ADCY2: variants seen among roughly 807,000 people sequenced by gnomAD.
The protein encoded by ADCY2 is adenylate cyclase 2.
ADCY2 carries 31 observed loss-of-function variants against 125.2 expected under a neutral mutation model. The ratio of observed to expected loss-of-function variants is 0.25; its 90% CI spans 0.19 to 0.33. ADCY2 has a LOEUF of 0.33. ADCY2 is among the 10% of genes least tolerant of loss of function. The pLI is 1.00. For missense variants in ADCY2, 904 were observed against 1,418.2 expected, an observed-to-expected ratio of 0.64 and a Z score of 5.82; for synonymous variants, 512 against 548.4, an observed-to-expected ratio of 0.93 and a Z score of 0.93.
At chr5:7,493,412 AG>A (rs113111865) in intron 2 of ADCY2, among the ~76,000 whole-genome samples, 23,490 of 152,052 alleles carry the variant, frequency 0.15, 2,318 homozygotes, top group Non-Finnish European at 0.22. Flanking sequence ...GAGAGAGGAG[AG>A]GGGGTATCGG....
chr5:7,443,595 A>G (rs550687993), intron 2 of ADCY2, among the ~76,000 whole-genome samples: 72 of 138,582 alleles, frequency 5.2e-4, no homozygotes, highest in Admixed American at 1.5e-3. Context: ...AGCCGAGATC[A>G]CGCCACTGCA....
At chr5:7,537,713 A>G (rs777664239) in intron 3 of ADCY2, among the ~76,000 whole-genome samples, 3 of 152,182 alleles carry the variant, frequency 2.0e-5, no homozygotes, top group Non-Finnish European at 4.4e-5. Flanking sequence ...ATAGCTTTCT[A>G]GTACCTGCAG....
At chr5:7,443,449 A>G (rs1000888453) in intron 2 of ADCY2, among the ~76,000 whole-genome samples, 5 of 151,540 alleles carry the variant, frequency 3.3e-5, no homozygotes, top group Non-Finnish European at 5.9e-5. Context: ...TCAGGAGATC[A>G]AGACCATGGT....
chr5:7,645,684 A>G (rs973299340), intron 4 of ADCY2, among the ~76,000 whole-genome samples: 1 of 152,162 alleles, frequency 6.6e-6, no homozygotes, highest in African/African-American at 2.4e-5. Flanking sequence ...TTGAAAAAAA[A>G]TGAGGAAATG....
At chr5:7,496,566 A>G (rs1406056493) in intron 2 of ADCY2, among the ~76,000 whole-genome samples, 1 of 152,206 alleles carries the variant, frequency 6.6e-6, no homozygotes, top group Non-Finnish European at 1.5e-5. Context: ...AATTGAGAAT[A>G]TTAATACCAT....
chr5:7,464,638 G>A (rs1742037526), intron 2 of ADCY2, among the ~76,000 whole-genome samples: 2 of 152,082 alleles, frequency 1.3e-5, no homozygotes, highest in South Asian at 4.1e-4. Flanking sequence ...TGGGGTGCAG[G>A]GCTCTCTGTT....
chr5:7,743,330 T>C (rs1742497705), intron 14 of ADCY2, among the ~76,000 whole-genome samples: 1 of 151,728 alleles, frequency 6.6e-6, no homozygotes, highest in Admixed American at 6.6e-5. Flanking sequence ...TCACTGGCAG[T>C]GAAGAGGCCA....
intron 1 of ADCY2, among the ~76,000 whole-genome samples, chr5:7,403,046 A>G (rs1739326369): frequency 6.6e-6 from 1 of 152,180 alleles, no homozygotes; most frequent in South Asian, 2.1e-4. Context: ...TATTGCAGCT[A>G]GGACAAGCCA....
At chr5:7,575,305 G>A (rs988760370) in intron 3 of ADCY2, among the ~76,000 whole-genome samples, 3 of 151,792 alleles carry the variant, frequency 2.0e-5, no homozygotes, top group Non-Finnish European at 4.4e-5. Flanking sequence ...CTTTTGGATT[G>A]TCTGTTTCCC....
intron 3 of ADCY2, among the ~76,000 whole-genome samples, chr5:7,608,681 C>A (rs1357349353): frequency 3.3e-5 from 5 of 152,178 alleles, no homozygotes; most frequent in African/African-American, 1.2e-4. Context: ...TCCTACCTGG[C>A]CCCTCATGAA....
chr5:7,589,818 T>G (rs1736790211), intron 3 of ADCY2, among the ~76,000 whole-genome samples: 1 of 152,162 alleles, frequency 6.6e-6, no homozygotes, highest in Non-Finnish European at 1.5e-5. Context: ...TCATTATTTG[T>G]GCATCCAGAG....
At chr5:7,442,265 T>C (rs923559090) in intron 2 of ADCY2, among the ~76,000 whole-genome samples, 7 of 152,166 alleles carry the variant, frequency 4.6e-5, no homozygotes, top group African/African-American at 1.4e-4. Context: ...CCTATCCAAC[T>C]TGAATCCTCT....
intron 2 of ADCY2, among the ~76,000 whole-genome samples, chr5:7,475,217 AG>A (rs1456584140): frequency 1.3e-5 from 2 of 152,318 alleles, no homozygotes; most frequent in African/African-American, 4.8e-5. Context: ...GGAAGTGCGA[AG>A]AAGATCAGAG....
At chr5:7,666,238 T>C (rs2126699028) in intron 4 of ADCY2, among the ~76,000 whole-genome samples, 1 of 152,116 alleles carries the variant, frequency 6.6e-6, no homozygotes, top group Non-Finnish European at 1.5e-5. Flanking sequence ...AAAGAGGCCA[T>C]TTCCTAGGCT....
intron 19 of ADCY2, among the ~76,000 whole-genome samples, chr5:7,789,263 A>G (rs545468772): frequency 6.6e-6 from 1 of 152,264 alleles, no homozygotes; most frequent in South Asian, 2.1e-4. Flanking sequence ...CAAATCATCA[A>G]AAAATGCACT....
At position 7,566,215 on chromosome 5, in the gene ADCY2, G is replaced by A. The variant is rs150122331; in HGVS notation, c.570+45316G>A. On this transcript the variant is annotated intron_variant, in intron 3 of 24. Transcript: ENST00000338316. ...TTGAGAAAGGGACACTGCGCTGGGC[G>A]CAGTGGCTTAAGCCTGTAATCCCAA... is the stretch of plus-strand genomic sequence containing the variant. 9.2e-5 allele frequency among the ~76,000 whole-genome samples: 14 copies of A among 152,294 alleles called. No homozygotes were observed. In the East Asian group the frequency reaches 1.9e-3, roughly 21 times the overall value.
chr5:7,442,567 CAG>C (rs551235566), intron 2 of ADCY2, among the ~76,000 whole-genome samples: 188 of 152,238 alleles, frequency 1.2e-3, no homozygotes, highest in Non-Finnish European at 2.2e-3. Context: ...TCAGTGGACT[CAG>C]AGGGTGACAA....
intron 3 of ADCY2, among the ~76,000 whole-genome samples, chr5:7,578,383 C>T (rs62342979): frequency 1.3e-5 from 2 of 152,112 alleles, no homozygotes; most frequent in African/African-American, 2.4e-5. Flanking sequence ...AAATACAGCA[C>T]GGAGGTTCCC....
intron 4 of ADCY2, among the ~76,000 whole-genome samples, chr5:7,660,335 T>C (rs75053571): frequency 0.26 from 39,058 of 151,084 alleles, 6,517 homozygotes; most frequent in Non-Finnish European, 0.37. Context: ...AGAAGCTATA[T>C]TGAGCTGCTC....
Sources: gnomAD v4.1 joint callset for allele counts (sites outside exome capture counted in the v4.1 genomes callset) on GRCh38, gnomAD v4.1.1 for gene constraint, MANE v1.5 for transcripts, NCBI Gene and HGNC (gene_info 2026-07-23, HGNC 2026-07-21) for gene names.